Variants in RUNX1 observed in about 807,000 individuals in gnomAD.
RUNX1 encodes the protein runt-related transcription factor 1.
Under a neutral mutation model 42.8 loss-of-function variants are expected in RUNX1, and 19 were observed. That is an observed-to-expected ratio of 0.44 (90% confidence interval 0.31 to 0.65). The LOEUF (loss-of-function observed/expected upper bound fraction) is 0.65. Ranked by LOEUF, RUNX1 falls within the 30% of genes least tolerant of loss-of-function variation. RUNX1 has a pLI of 0.07. For synonymous variants in RUNX1, 271 were observed against 289.4 expected, an observed-to-expected ratio of 0.94 and a Z score of 0.64; for missense variants, 528 against 672.0, an observed-to-expected ratio of 0.79 and a Z score of 2.37.
intron 2 of RUNX1, among the ~76,000 whole-genome samples, chr21:34,962,219 T>C (rs1213377262): frequency 1.3e-5 from 2 of 152,200 alleles, no homozygotes; most frequent in Non-Finnish European, 2.9e-5. Context: ...TTCTTTTTTT[T>C]CCATTTATAG....
chr21:34,871,657 G>A (rs1363984984), intron 5 of RUNX1, among the ~76,000 whole-genome samples: 1 of 152,148 alleles, frequency 6.6e-6, no homozygotes, highest in Non-Finnish European at 1.5e-5. Context: ...AAGCTCCAGA[G>A]GAACCCAGCC....
chr21:34,806,653 C>T (rs1045191281), intron 7 of RUNX1, among the ~76,000 whole-genome samples: 1 of 152,130 alleles, frequency 6.6e-6, no homozygotes, highest in African/African-American at 2.4e-5. Context: ...TTATGGAATA[C>T]TCTAACAACA....
At chr21:34,973,973 C>G (rs1243382207) in intron 2 of RUNX1, among the ~76,000 whole-genome samples, 1 of 152,158 alleles carries the variant, frequency 6.6e-6, no homozygotes, top group East Asian at 1.9e-4. Flanking sequence ...CTCAATATTT[C>G]TGATGAATCG....
chr21:34,891,589 G>A (rs1283552148), intron 3 of RUNX1, among the ~76,000 whole-genome samples: 9 of 151,754 alleles, frequency 5.9e-5, no homozygotes, highest in Admixed American at 1.3e-4. Context: ...TCATTTTAGC[G>A]ACAATACAGA....
rs1455005641 is a variant in RUNX1 at position 35,032,772 on chromosome 21, C to T, written c.58+16070G>A. Among the ~76,000 whole-genome samples, 31 of 152,248 alleles carry T rather than the reference C, an allele frequency of 2.0e-4. 1 individual carries two copies. Among genetic ancestry groups the T allele is most frequent in the Non-Finnish European group, 1.5e-5 (1 of 68,040 alleles). ...TCTGCTCTAATATTCCCACATACAG[C>T]TTCTTACCCTTAGCTGATCACAGGA... On this transcript the variant is annotated intron_variant, in intron 2 of 8. Coordinates refer to ENST00000675419, the MANE Select transcript of RUNX1 (RefSeq NM_001754.5).
intron 7 of RUNX1, among the ~76,000 whole-genome samples, chr21:34,812,484 G>C (rs2056770627): frequency 6.6e-6 from 1 of 151,448 alleles, no homozygotes; most frequent in African/African-American, 2.4e-5. Flanking sequence ...AATAAAGTCA[G>C]ATTCATCTAG....
intron 2 of RUNX1, among the ~76,000 whole-genome samples, chr21:35,016,930 AG>A (rs1332257287): frequency 2.0e-5 from 3 of 149,842 alleles, no homozygotes. Flanking sequence ...GCCAAGGCCT[AG>A]GGGTGGGTGG....
In RUNX1 at chr21:35,042,556, A is replaced by G. The variant is rs1271309180; in HGVS notation, c.58+6286T>C. Among the ~76,000 whole-genome samples, 3 of 152,238 alleles carry G rather than the reference A, an allele frequency of 2.0e-5. No individual in the cohort carries two copies. In the East Asian group the frequency reaches 5.8e-4, roughly 29 times the overall value. On this transcript the variant is annotated intron_variant, in intron 2 of 8. Transcript: ENST00000675419. ...AGGCCTGTGACCTAGTTGTGGCCTA[A>G]GCAATATGTCAGCGAAAGTTTGCAG...
chr21:34,871,468 A>G (rs2057736725), intron 5 of RUNX1, among the ~76,000 whole-genome samples: 1 of 152,194 alleles, frequency 6.6e-6, no homozygotes, highest in African/African-American at 2.4e-5. Flanking sequence ...CGGACAAACA[A>G]ACAAAGCAGA....
chr21:34,888,043 T>C (rs1033290484), intron 3 of RUNX1: 27 of 1,066,226 alleles, frequency 2.5e-5, no homozygotes, highest in Admixed American at 1.1e-4. Context: ...AGTTTGTGGC[T>C]GGTCCTCTGG....
intron 2 of RUNX1, among the ~76,000 whole-genome samples, chr21:34,902,543 A>AC (rs2058185630): frequency 6.6e-6 from 1 of 152,182 alleles, no homozygotes; most frequent in African/African-American, 2.4e-5. Flanking sequence ...TCACACACAC[A>AC]AATATATTAT....
intron 2 of RUNX1, among the ~76,000 whole-genome samples, chr21:34,930,176 A>C (rs888582935): frequency 6.8e-6 from 1 of 146,354 alleles, no homozygotes; most frequent in African/African-American, 2.5e-5. Context: ...ATTTCAAAAA[A>C]TACATACATA....
At chr21:35,032,152 A>C (rs1441143583) in intron 2 of RUNX1, among the ~76,000 whole-genome samples, 3 of 152,224 alleles carry the variant, frequency 2.0e-5, no homozygotes. Context: ...GAAAAGGAAC[A>C]CACATATGTC....
intron 3 of RUNX1, among the ~76,000 whole-genome samples, chr21:34,888,992 G>T (rs1212575694): frequency 6.6e-6 from 1 of 151,340 alleles, no homozygotes; most frequent in Non-Finnish European, 1.5e-5. Flanking sequence ...GCCACACGCA[G>T]GCTTGTGCGG....
intron 6 of RUNX1, among the ~76,000 whole-genome samples, chr21:34,854,197 A>C (rs555554240): frequency 6.6e-6 from 1 of 152,348 alleles, no homozygotes; most frequent in East Asian, 1.9e-4. Flanking sequence ...GTTCACATAT[A>C]TAATAGGTTT....
At chr21:34,887,824 C>T (rs1363456186) in intron 3 of RUNX1, 5 of 1,064,864 alleles carry the variant, frequency 4.7e-6, no homozygotes, top group Non-Finnish European at 5.7e-6. Context: ...AAATCAGCTT[C>T]AGTAGTTGGA....
chr21:34,915,566 T>G (rs996838731), intron 2 of RUNX1, among the ~76,000 whole-genome samples: 1 of 152,232 alleles, frequency 6.6e-6, no homozygotes, highest in African/African-American at 2.4e-5. Context: ...GAAAAGCATT[T>G]TAAAAGCATG....
chr21:34,846,194 C>CTTCTTTT (rs1201995651), intron 6 of RUNX1, among the ~76,000 whole-genome samples: 13 of 102,238 alleles, frequency 1.3e-4, no homozygotes, highest in Admixed American at 3.1e-4. Context: ...TTAAGGATGT[C>CTTCTTTT]TTTTTTTTTT....
chr21:34,997,463 G>C (rs2059004949), intron 2 of RUNX1, among the ~76,000 whole-genome samples: 1 of 152,252 alleles, frequency 6.6e-6, no homozygotes, highest in South Asian at 2.1e-4. Context: ...GAAGCAGTAG[G>C]AGATGGTGTG....
Sources: allele counts gnomAD v4.1 joint callset (sites outside exome capture counted in the v4.1 genomes callset), GRCh38; gene constraint gnomAD v4.1.1; transcripts MANE v1.5; gene names NCBI Gene and HGNC (gene_info 2026-07-23, HGNC 2026-07-21).